The following ADARB2 variants were observed in gnomAD, a reference collection of about 807,000 sequenced individuals.
ADARB2 encodes the protein inactive double-stranded RNA-specific editase B2.
Under a neutral mutation model 62.2 loss-of-function variants are expected in ADARB2, and 25 were observed. The observed-to-expected ratio is 0.40, with a 90% CI of 0.29 to 0.56. The LOEUF (loss-of-function observed/expected upper bound fraction) is 0.56. ADARB2 is among the 20% of genes least tolerant of loss of function. The probability of loss-of-function intolerance (pLI) is 0.43; values close to 1 mark genes in which losing one functional copy is unlikely to be tolerated. For synonymous variants in ADARB2, 572 were observed against 500.8 expected (o/e 1.14, Z -1.90); for missense variants, 1,071 against 1,077.4 (o/e 0.99, Z 0.08).
chr10:1,319,895 G>A (rs933332200), intron 3 of ADARB2, among the ~76,000 whole-genome samples: 1 of 152,200 alleles, frequency 6.6e-6, no homozygotes, highest in Admixed American at 6.5e-5. Flanking sequence ...TCCCAGCAGT[G>A]GGACTACTGG....
At chr10:1,561,958 C>T (rs936033293) in intron 1 of ADARB2, among the ~76,000 whole-genome samples, 9 of 152,240 alleles carry the variant, frequency 5.9e-5, no homozygotes, top group African/African-American at 2.2e-4. Context: ...CAAATCAGAT[C>T]CTGCTAAAAT....
intron 4 of ADARB2, among the ~76,000 whole-genome samples, chr10:1,265,010 C>T (rs143738297): frequency 6.6e-6 from 1 of 152,298 alleles, no homozygotes; most frequent in East Asian, 1.9e-4. Context: ...TTAATAAACT[C>T]GAAAAATAAT....
chr10:1,658,648 G>A (rs934381654), intron 1 of ADARB2, among the ~76,000 whole-genome samples: 17 of 152,218 alleles, frequency 1.1e-4, no homozygotes, highest in African/African-American at 3.9e-4. Context: ...CCTCTGTCAC[G>A]ACAGCCCTTG....
intron 1 of ADARB2, among the ~76,000 whole-genome samples, chr10:1,596,792 G>A (rs1318987685): frequency 6.6e-6 from 1 of 152,224 alleles, no homozygotes; most frequent in Non-Finnish European, 1.5e-5. Context: ...AGATGGCAAT[G>A]TTGACGAAGT....
At chr10:1,459,912 CAA>C (rs1201866518) in intron 1 of ADARB2, among the ~76,000 whole-genome samples, 1 of 149,554 alleles carries the variant, frequency 6.7e-6, no homozygotes, top group African/African-American at 2.5e-5. Flanking sequence ...ATCTGTGCAG[CAA>C]ACCTGCCTGT....
chr10:1,252,711 C>T (rs1437946343), intron 4 of ADARB2, among the ~76,000 whole-genome samples: 1 of 151,326 alleles, frequency 6.6e-6, no homozygotes. Context: ...TCTATATTTC[C>T]TCTAATTAGT....
intron 3 of ADARB2, among the ~76,000 whole-genome samples, chr10:1,320,265 A>G (rs538511355): frequency 6.6e-6 from 1 of 152,286 alleles, no homozygotes; most frequent in South Asian, 2.1e-4. Context: ...AGTCTCAATA[A>G]ACATCATTGT....
chr10:1,678,404 C>A (rs57313706), intron 1 of ADARB2: 2 of 890,880 alleles, frequency 2.2e-6, no homozygotes, highest in African/African-American at 1.8e-5. Context: ...TTGGGGTGAG[C>A]GTCTGCGCAC....
intron 1 of ADARB2, among the ~76,000 whole-genome samples, chr10:1,551,982 G>A (rs2676761): frequency 0.015 from 2,320 of 150,296 alleles, 60 homozygotes; most frequent in African/African-American, 0.054. Flanking sequence ...GCGGAGTGAG[G>A]TGAGTGAGGC....
intron 2 of ADARB2, among the ~76,000 whole-genome samples, chr10:1,370,377 C>A (rs563455578): frequency 2.0e-5 from 3 of 152,290 alleles, no homozygotes; most frequent in African/African-American, 7.2e-5. Context: ...AAAGCATTTC[C>A]CTAAGGACTG....
intron 3 of ADARB2, among the ~76,000 whole-genome samples, chr10:1,328,497 C>T (rs903304792): frequency 2.6e-5 from 4 of 152,076 alleles, no homozygotes; most frequent in Non-Finnish European, 5.9e-5. Flanking sequence ...CATTCAAACC[C>T]GCGTCCTGTT....
At chr10:1,307,543 C>T (rs1202223885) in intron 3 of ADARB2, among the ~76,000 whole-genome samples, 1 of 143,452 alleles carries the variant, frequency 7.0e-6, no homozygotes, top group Non-Finnish European at 1.5e-5. Flanking sequence ...GGATCTAGAA[C>T]TAGAAATACC....
rs150845526 is a variant in ADARB2 at position 1,274,462 on chromosome 10, G to GT, written c.1078-3394dup. On this transcript the variant is annotated intron_variant, in intron 3 of 9. Coordinates refer to ENST00000381312, the MANE Select transcript of ADARB2 (RefSeq NM_018702.4). ...TTCCCAATGACGTGTGTAGCTCTTT[G>GT]TTTTTTTTTTAGGATGAAGTTTCAA... is the stretch of plus-strand genomic sequence containing the variant. Among the ~76,000 whole-genome samples the GT allele has an allele frequency of 8.9e-3, 1,322 of 149,224 alleles. 19 individuals carry two copies. The highest frequency in any genetic ancestry group is 0.031 in the African/African-American group (1,245 of 40,814).
intron 6 of ADARB2, among the ~76,000 whole-genome samples, chr10:1,220,893 A>G (rs892316434): frequency 6.6e-6 from 1 of 152,180 alleles, no homozygotes; most frequent in African/African-American, 2.4e-5. Flanking sequence ...CAAAGCTTTC[A>G]GGTTAGACTA....
intron 1 of ADARB2, among the ~76,000 whole-genome samples, chr10:1,405,848 C>T (rs1444912155): frequency 4.0e-5 from 6 of 151,864 alleles, no homozygotes; most frequent in Admixed American, 1.3e-4. Context: ...TTAAACCTTC[C>T]GCCAAGATAC....
intron 1 of ADARB2, among the ~76,000 whole-genome samples, chr10:1,685,361 G>A (rs959491669): frequency 6.6e-5 from 10 of 152,146 alleles, no homozygotes; most frequent in South Asian, 6.2e-4. Flanking sequence ...CGAGCAACAC[G>A]AATGACTCCA....
intron 1 of ADARB2, among the ~76,000 whole-genome samples, chr10:1,678,919 C>T (rs1477928046): frequency 6.6e-6 from 1 of 152,174 alleles, no homozygotes; most frequent in African/African-American, 2.4e-5. Flanking sequence ...GGAGAGAGTA[C>T]AGGTGCCCAC....
chr10:1,588,744 A>G (rs534829792), intron 1 of ADARB2, among the ~76,000 whole-genome samples: 8 of 152,328 alleles, frequency 5.3e-5, no homozygotes, highest in African/African-American at 1.9e-4. Context: ...TGGGGTTCAC[A>G]CTCAATTCTG....
chr10:1,696,627 C>A (rs1456798108), intron 1 of ADARB2, among the ~76,000 whole-genome samples: 1 of 152,188 alleles, frequency 6.6e-6, no homozygotes, highest in African/African-American at 2.4e-5. Flanking sequence ...CAGTGTCCAG[C>A]GGACCTGCCC....
Sources: allele counts gnomAD v4.1 joint callset (sites outside exome capture counted in the v4.1 genomes callset), GRCh38; gene constraint gnomAD v4.1.1; transcripts MANE v1.5; gene names NCBI Gene and HGNC (gene_info 2026-07-23, HGNC 2026-07-21).